Variants in PDE1C observed in about 807,000 individuals in gnomAD.
The protein encoded by PDE1C is dual specificity calcium/calmodulin-dependent 3',5'-cyclic nucleotide phosphodiesterase 1C.
A neutral mutation model predicts 93.1 loss-of-function variants in PDE1C; 62 were observed. That is an observed-to-expected ratio of 0.67 (90% CI 0.54 to 0.82). The LOEUF (loss-of-function observed/expected upper bound fraction) is 0.82, where lower values mean the gene tolerates loss of function less well. PDE1C is among the 40% of genes least tolerant of loss of function. The pLI, the probability that PDE1C is intolerant of heterozygous loss-of-function variation, is 0.00. For synonymous variants in PDE1C, 325 were observed against 310.1 expected, an observed-to-expected ratio of 1.05 and a Z score of -0.50; for missense variants, 742 against 884.6, an observed-to-expected ratio of 0.84 and a Z score of 2.04.
intron 2 of PDE1C, among the ~76,000 whole-genome samples, chr7:32,199,779 TC>T (rs948958565): frequency 9.2e-5 from 14 of 152,146 alleles, no homozygotes; most frequent in African/African-American, 3.4e-4. Flanking sequence ...ACATCCCTAA[TC>T]CAAAAAATTG....
At chr7:31,961,569 G>A (rs1469457207) in intron 2 of PDE1C, among the ~76,000 whole-genome samples, 1 of 152,112 alleles carries the variant, frequency 6.6e-6, no homozygotes, top group Non-Finnish European at 1.5e-5. Context: ...GGGGCAACAT[G>A]AGACACAGGT....
intron 3 of PDE1C, among the ~76,000 whole-genome samples, chr7:32,111,219 A>T (rs1236800730): frequency 1.3e-5 from 2 of 152,202 alleles, no homozygotes; most frequent in Non-Finnish European, 2.9e-5. Flanking sequence ...GTAAGTACCA[A>T]AATTATATAT....
At chr7:31,819,679 C>G (rs1005256465) in intron 14 of PDE1C, among the ~76,000 whole-genome samples, 9 of 152,044 alleles carry the variant, frequency 5.9e-5, no homozygotes, top group Admixed American at 5.2e-4. Flanking sequence ...CAGTGGAGAG[C>G]CAGTTCTACC....
chr7:31,776,312 T>C (rs1057395809), intron 16 of PDE1C, among the ~76,000 whole-genome samples: 2 of 152,154 alleles, frequency 1.3e-5, no homozygotes, highest in Non-Finnish European at 2.9e-5. Context: ...AGTGTTCCAG[T>C]GAGGATTAAA....
At chr7:31,775,806 G>T in intron 16 of PDE1C, 74 bp from the exon 17 acceptor site, 1 of 1,261,278 alleles carries the variant, frequency 7.9e-7, no homozygotes, top group South Asian at 1.2e-5. Flanking sequence ...ATGTTCATCT[G>T]AAATGTTATC....
chr7:31,800,297 T>G (rs541853779), intron 16 of PDE1C, among the ~76,000 whole-genome samples: 1 of 151,612 alleles, frequency 6.6e-6, no homozygotes, highest in Non-Finnish European at 1.5e-5. Flanking sequence ...TTTGTGGTCA[T>G]GCCTAATAAA....
chr7:32,192,729 A>C (rs1378937349), intron 2 of PDE1C, among the ~76,000 whole-genome samples: 1 of 152,102 alleles, frequency 6.6e-6, no homozygotes, highest in Non-Finnish European at 1.5e-5. Context: ...TCTTGCTGGG[A>C]TCTTGATAGA....
At chr7:32,197,253 A>G (rs898637598) in intron 2 of PDE1C, among the ~76,000 whole-genome samples, 5 of 152,208 alleles carry the variant, frequency 3.3e-5, no homozygotes, top group Non-Finnish European at 5.9e-5. Flanking sequence ...CAATATATCA[A>G]TATTTCACAC....
intron 2 of PDE1C, among the ~76,000 whole-genome samples, chr7:32,046,472 A>G (rs1030189410): frequency 1.3e-5 from 2 of 152,112 alleles, no homozygotes; most frequent in East Asian, 1.9e-4. Context: ...CTATTATAGC[A>G]CTTACCACAT....
At chr7:31,766,268 C>T (rs183175093) in intron 17 of PDE1C, among the ~76,000 whole-genome samples, 2,740 of 151,902 alleles carry the variant, frequency 0.018, 83 homozygotes, top group African/African-American at 0.062. Flanking sequence ...ACTGTAGTCC[C>T]AGCTACTCGG....
At chr7:32,297,896 TTC>T (rs1279901346) in intron 1 of PDE1C, among the ~76,000 whole-genome samples, 2 of 151,178 alleles carry the variant, frequency 1.3e-5, no homozygotes, top group African/African-American at 2.4e-5. Context: ...CTCTGTTCTC[TTC>T]TCTCTCTTCA....
intron 2 of PDE1C, among the ~76,000 whole-genome samples, chr7:31,960,172 G>A (rs1808743304): frequency 6.6e-6 from 1 of 152,066 alleles, no homozygotes; most frequent in Non-Finnish European, 1.5e-5. Flanking sequence ...ACCGCGCCCG[G>A]CCTCAACTTG....
At chr7:31,889,364 A>G (rs956878456) in intron 2 of PDE1C, among the ~76,000 whole-genome samples, 7 of 152,338 alleles carry the variant, frequency 4.6e-5, no homozygotes, top group Non-Finnish European at 7.3e-5. Context: ...TAAGCACAAC[A>G]TAAGTGGACA....
intron 2 of PDE1C, among the ~76,000 whole-genome samples, chr7:32,183,042 C>T (rs1465839254): frequency 1.3e-5 from 2 of 152,242 alleles, no homozygotes; most frequent in Admixed American, 1.3e-4. Context: ...AGTGAATTCC[C>T]ATTCACAATT....
chr7:31,677,776 CAT>C, the PDE1C span, among the ~76,000 whole-genome samples: 2 of 152,030 alleles, frequency 1.3e-5, no homozygotes, highest in African/African-American at 2.4e-5. Context: ...GCATTGCTAT[CAT>C]ATTGTATCAG....
chr7:32,138,673 T>C (rs953724053), intron 3 of PDE1C, among the ~76,000 whole-genome samples: 1 of 152,192 alleles, frequency 6.6e-6, no homozygotes, highest in Non-Finnish European at 1.5e-5. Context: ...AAATTATTAA[T>C]TAATTAATTA....
intron 2 of PDE1C, among the ~76,000 whole-genome samples, chr7:31,943,866 T>A (rs1806192298): frequency 6.6e-6 from 1 of 152,190 alleles, no homozygotes; most frequent in East Asian, 1.9e-4. Context: ...GCAGAATCTT[T>A]AAAATATAAT....
chr7:31,875,233 G>A (rs1320510768), intron 5 of PDE1C, among the ~76,000 whole-genome samples: 1 of 152,140 alleles, frequency 6.6e-6, no homozygotes, highest in East Asian at 1.9e-4. Context: ...TTTAATCCTA[G>A]TGTCCAGAAA....
intron 1 of PDE1C, among the ~76,000 whole-genome samples, chr7:32,340,565 TTTTAAGCAAAGGGTACACA>T: frequency 6.6e-6 from 1 of 152,318 alleles, no homozygotes; most frequent in East Asian, 1.9e-4. Context: ...TATTGAAGGA[TTTTAAGCAAAGGGTACACA>T]ATCATATTTG....
Sources: allele counts gnomAD v4.1 joint callset (sites outside exome capture counted in the v4.1 genomes callset), GRCh38; gene constraint gnomAD v4.1.1; transcripts MANE v1.5; gene names NCBI Gene and HGNC (gene_info 2026-07-23, HGNC 2026-07-21).